Variants in RNF6 observed in about 807,000 individuals in gnomAD.
RNF6 encodes the protein E3 ubiquitin-protein ligase RNF6.
Under a neutral mutation model 50.1 loss-of-function variants are expected in RNF6, and 21 were observed. That is an observed-to-expected ratio of 0.42 (90% CI 0.30 to 0.60). The LOEUF (loss-of-function observed/expected upper bound fraction) is 0.60. RNF6 is among the 20% of genes least tolerant of loss of function. The pLI, the probability that RNF6 is intolerant of heterozygous loss-of-function variation, is 0.20. For missense variants in RNF6, 698 were observed against 838.2 expected (o/e 0.83, Z 2.07); for synonymous variants, 255 against 291.8 (o/e 0.87, Z 1.29).
intron 5 of RNF6, among the ~76,000 whole-genome samples, chr13:26,165,850 G>A (rs1872426829): frequency 6.6e-6 from 1 of 152,210 alleles, no homozygotes; most frequent in South Asian, 2.1e-4. Flanking sequence ...GTAGGCAGGA[G>A]GGACTTGCCT....
chr13:26,175,539 AG>A, intron 5 of RNF6, among the ~76,000 whole-genome samples: 1 of 152,228 alleles, frequency 6.6e-6, no homozygotes, highest in Non-Finnish European at 1.5e-5. Context: ...GCACTTCCTA[AG>A]GTAAAGCTTG....
intron 5 of RNF6, among the ~76,000 whole-genome samples, chr13:26,180,980 C>A (rs972262955): frequency 6.6e-6 from 1 of 152,212 alleles, no homozygotes; most frequent in Admixed American, 6.5e-5. Flanking sequence ...ACTTGGGGTG[C>A]TGGCTGTCCA....
intron 4 of RNF6, among the ~76,000 whole-genome samples, chr13:26,216,989 T>A (rs1211658835): frequency 6.6e-6 from 1 of 152,112 alleles, no homozygotes; most frequent in African/African-American, 2.4e-5. Flanking sequence ...AAATAGCTAT[T>A]ATATGACATC....
intron 5 of RNF6, among the ~76,000 whole-genome samples, chr13:26,163,413 T>C (rs1367761521): frequency 6.6e-6 from 1 of 152,232 alleles, no homozygotes; most frequent in Non-Finnish European, 1.5e-5. Context: ...TCATGCATCA[T>C]GTAATTTCAT....
rs141660942 is a variant in RNF6 at position 26,215,529 on chromosome 13, C to T, written c.353G>A (p.Arg118Gln). The T allele has an allele frequency of 3.7e-6, 6 of 1,613,050 alleles. No homozygotes were observed. In the East Asian group the frequency reaches 6.7e-5, roughly 18 times the overall value. Residue 118 changes from arginine to glutamine, a missense_variant, in exon 5 of 5, where the codon CGG (arginine) becomes CAG (glutamine). Arg to Gln is a conservative substitution (Grantham distance 43). Coordinates refer to ENST00000381588, the MANE Select transcript of RNF6 (RefSeq NM_005977.4). Reference sequence around the variant, plus strand: ...ACTTCGAGTTGCATTTCCTGTGCGCCGAAAGGTGTTCAACCATTCTAGAAG... The same window carrying T: ...ACTTCGAGTTGCATTTCCTGTGCGCTGAAAGGTGTTCAACCATTCTAGAAG... ...DSLLEWLNTF[R>Q]RTGNATRSGQ... is the part of the protein sequence containing the mutation.
At chr13:26,139,077 A>G (rs1389652587) in intron 5 of RNF6, among the ~76,000 whole-genome samples, 1 of 152,158 alleles carries the variant, frequency 6.6e-6, no homozygotes, top group East Asian at 1.9e-4. Context: ...TGCTGTCCAG[A>G]GAGAGATTGT....
intron 5 of RNF6, among the ~76,000 whole-genome samples, chr13:26,198,497 G>T (rs1183400485): frequency 6.6e-6 from 1 of 151,854 alleles, no homozygotes; most frequent in African/African-American, 2.4e-5. Context: ...CAGCCAAGTT[G>T]TCATATAAAC....
intron 5 of RNF6, among the ~76,000 whole-genome samples, chr13:26,157,050 G>A (rs1395336234): frequency 6.6e-6 from 1 of 152,162 alleles, no homozygotes. Flanking sequence ...TTGGGGTGTT[G>A]AGGGAAGTTG....
chr13:26,141,800 C>T (rs532785539), intron 5 of RNF6, among the ~76,000 whole-genome samples: 1 of 152,030 alleles, frequency 6.6e-6, no homozygotes, highest in Non-Finnish European at 1.5e-5. Flanking sequence ...CTAGGACATA[C>T]CTTTCTGGAC....
chr13:26,133,958 A>G (rs1870518642), intron 5 of RNF6, among the ~76,000 whole-genome samples: 1 of 152,228 alleles, frequency 6.6e-6, no homozygotes, highest in South Asian at 2.1e-4. Flanking sequence ...GACTCTGGAT[A>G]TCATTTAAAC....
intron 5 of RNF6, among the ~76,000 whole-genome samples, chr13:26,156,269 A>T (rs1871918612): frequency 6.6e-6 from 1 of 152,212 alleles, no homozygotes; most frequent in Non-Finnish European, 1.5e-5. Flanking sequence ...TATTAGGGAG[A>T]AAAAGAGGAT....
At chr13:26,181,680 C>G (rs1380601508) in intron 5 of RNF6, among the ~76,000 whole-genome samples, 1 of 152,164 alleles carries the variant, frequency 6.6e-6, no homozygotes, top group Non-Finnish European at 1.5e-5. Context: ...AGGTCAAGAC[C>G]AAGGGGATTC....
At chr13:26,161,417 T>C (rs895153903) in intron 5 of RNF6, among the ~76,000 whole-genome samples, 10 of 152,368 alleles carry the variant, frequency 6.6e-5, no homozygotes, top group African/African-American at 2.2e-4. Flanking sequence ...TTGGGTAAAG[T>C]TGACCTTCAC....
intron 5 of RNF6, among the ~76,000 whole-genome samples, chr13:26,169,461 T>A (rs9512138): frequency 0.74 from 112,974 of 151,834 alleles, 42,289 homozygotes; most frequent in East Asian, 0.8. Flanking sequence ...CAGCTTGGCT[T>A]AACTGTACAT....
intron 5 of RNF6, among the ~76,000 whole-genome samples, chr13:26,193,387 A>G (rs1193617878): frequency 1.3e-5 from 2 of 152,196 alleles, no homozygotes; most frequent in Non-Finnish European, 2.9e-5. Flanking sequence ...CTTGGAAGCT[A>G]TGGAAAGAGG....
downstream of RNF6, among the ~76,000 whole-genome samples, chr13:26,212,264 G>A (rs1869357997): frequency 6.6e-6 from 1 of 152,162 alleles, no homozygotes; most frequent in East Asian, 1.9e-4. Flanking sequence ...AGTTTGCTAT[G>A]AAAAGCCTTC....
chr13:26,159,095 T>A (rs901859480), intron 5 of RNF6, among the ~76,000 whole-genome samples: 47 of 1,600 alleles, frequency 0.029, no homozygotes, highest in African/African-American at 0.078. Context: ...AAGCTGTAAA[T>A]TTTAACAAAA....
chr13:26,136,373 T>C (rs1250814108), intron 5 of RNF6, among the ~76,000 whole-genome samples: 1 of 152,246 alleles, frequency 6.6e-6, no homozygotes, highest in African/African-American at 2.4e-5. Context: ...GCCCAAGCTC[T>C]ATGGCCTTTA....
chr13:26,179,817 A>G (rs1377669058), intron 5 of RNF6, among the ~76,000 whole-genome samples: 2 of 152,230 alleles, frequency 1.3e-5, no homozygotes, highest in East Asian at 3.9e-4. Flanking sequence ...GGGCAACATC[A>G]TTGAACTTTC....
Sources: gnomAD v4.1 joint callset for allele counts (sites outside exome capture counted in the v4.1 genomes callset) on GRCh38, gnomAD v4.1.1 for gene constraint, MANE v1.5 for transcripts, NCBI Gene and HGNC (gene_info 2026-07-23, HGNC 2026-07-21) for gene names.